ROBO2: variants seen among roughly 807,000 people sequenced by gnomAD.
ROBO2 encodes the protein roundabout homolog 2.
ROBO2 carries 53 observed loss-of-function variants against 160.8 expected under a neutral mutation model. The ratio of observed to expected loss-of-function variants is 0.33; its 90% CI spans 0.26 to 0.41. The LOEUF is 0.41. ROBO2 is among the 10% of genes least tolerant of loss of function. The pLI is 1.00. For missense variants in ROBO2, 1,577 were observed against 1,722.4 expected (o/e 0.92, Z 1.49); for synonymous variants, 664 against 611.7 (o/e 1.09, Z -1.26).
chr3:76,638,974 C>A (rs1375220106), intron 2 of ROBO2, among the ~76,000 whole-genome samples: 1 of 152,068 alleles, frequency 6.6e-6, no homozygotes, highest in African/African-American at 2.4e-5. Context: ...GCATTACGTC[C>A]CTCCAGTGTT....
chr3:77,333,982 C>G (rs1004822008), intron 2 of ROBO2, among the ~76,000 whole-genome samples: 9 of 152,112 alleles, frequency 5.9e-5, no homozygotes, highest in African/African-American at 2.2e-4. Flanking sequence ...TCTTTAAGCT[C>G]TTTCTTTCTT....
At chr3:77,577,099 G>T (rs1180952371) in intron 14 of ROBO2, among the ~76,000 whole-genome samples, 1 of 151,956 alleles carries the variant, frequency 6.6e-6, no homozygotes, top group African/African-American at 2.4e-5. Context: ...ATTCTGACTT[G>T]CTCTTTGACT....
chr3:76,409,700 G>A (rs35655498), intron 2 of ROBO2, among the ~76,000 whole-genome samples: 50,500 of 151,996 alleles, frequency 0.33, 10,158 homozygotes, highest in South Asian at 0.45. Flanking sequence ...CCTTGAGCAT[G>A]TCACAAAACT....
chr3:76,370,903 TC>T (rs1186136346), intron 2 of ROBO2, among the ~76,000 whole-genome samples: 2 of 151,946 alleles, frequency 1.3e-5, no homozygotes, highest in African/African-American at 4.8e-5. Context: ...ATATGTCATT[TC>T]CTTCCCAAGT....
chr3:76,874,181 T>C (rs1033536395), intron 2 of ROBO2, among the ~76,000 whole-genome samples: 6 of 151,224 alleles, frequency 4.0e-5, no homozygotes, highest in African/African-American at 1.5e-4. Context: ...ACACTTTATG[T>C]AAAAGTTGGT....
intron 2 of ROBO2, among the ~76,000 whole-genome samples, chr3:76,259,219 A>G (rs1706588337): frequency 6.6e-6 from 1 of 152,110 alleles, no homozygotes. Context: ...AAAGTATGAC[A>G]TCAGATCCAA....
At position 77,644,460 on chromosome 3, in the gene ROBO2, T is replaced by C. The variant is rs148146037; in HGVS notation, c.3935-244T>C. ...GAATTTAAATTTTGCAAATAATATA[T>C]AACATTGTGTACTTATCCCAAGATC... On this transcript the variant is annotated intron_variant, in intron 24 of 25. Coordinates refer to ENST00000461745, the Ensembl canonical transcript of ROBO2. Among the ~76,000 whole-genome samples, 1,006 of 152,290 alleles carry C rather than the reference T, an allele frequency of 6.6e-3. 15 individuals carry two copies. Among genetic ancestry groups the C allele is most frequent in the African/African-American group, 0.023 (970 of 41,572 alleles).
upstream of ROBO2, among the ~76,000 whole-genome samples, chr3:77,036,352 A>G (rs1022690226): frequency 2.6e-5 from 4 of 152,034 alleles, no homozygotes; most frequent in African/African-American, 9.6e-5. Context: ...ATTTTTATAT[A>G]TATGCTGCCT....
intron 2 of ROBO2, among the ~76,000 whole-genome samples, chr3:77,138,553 A>G (rs570226890): frequency 6.6e-6 from 1 of 152,348 alleles, no homozygotes; most frequent in Admixed American, 6.5e-5. Flanking sequence ...ATGGGATATG[A>G]TAAGCAGAAA....
chr3:75,993,143 T>C (rs2065622741), intron 2 of ROBO2, among the ~76,000 whole-genome samples: 1 of 152,084 alleles, frequency 6.6e-6, no homozygotes, highest in Admixed American at 6.6e-5. Context: ...CATGATGGGT[T>C]TTGAAATGTG....
At chr3:76,788,976 C>T (rs2063173549) in intron 2 of ROBO2, among the ~76,000 whole-genome samples, 1 of 151,486 alleles carries the variant, frequency 6.6e-6, no homozygotes, top group Non-Finnish European at 1.5e-5. Flanking sequence ...AATCAGGCAG[C>T]TGCTATATAG....
intron 2 of ROBO2, among the ~76,000 whole-genome samples, chr3:76,707,731 G>GTGTATATATATATGTATATATA (rs376823667): frequency 7.5e-6 from 1 of 134,198 alleles, no homozygotes; most frequent in Admixed American, 7.7e-5. Flanking sequence ...ACATGTGTGT[G>GTGTATATATATATGTATATATA]TATATATATA....
chr3:77,620,269 G>A (rs2094873583), intron 22 of ROBO2, among the ~76,000 whole-genome samples: 1 of 151,962 alleles, frequency 6.6e-6, no homozygotes, highest in Non-Finnish European at 1.5e-5. Flanking sequence ...TAATTCCCAG[G>A]CTCCACCTCC....
At chr3:76,675,196 A>T (rs1251203681) in intron 2 of ROBO2, among the ~76,000 whole-genome samples, 1 of 152,188 alleles carries the variant, frequency 6.6e-6, no homozygotes, top group Non-Finnish European at 1.5e-5. Flanking sequence ...AATGTCCCTG[A>T]GTTTCCTCCA....
intron 2 of ROBO2, among the ~76,000 whole-genome samples, chr3:76,480,155 A>G (rs2079135892): frequency 1.3e-5 from 2 of 152,176 alleles, no homozygotes; most frequent in African/African-American, 2.4e-5. Flanking sequence ...TCATCATTCG[A>G]TATACTTGCC....
chr3:77,610,669 A>G (rs1350818270), intron 21 of ROBO2, among the ~76,000 whole-genome samples: 1 of 151,156 alleles, frequency 6.6e-6, no homozygotes, highest in Admixed American at 6.6e-5. Context: ...TTGTTAGTCA[A>G]CAACTATAAC....
intron 2 of ROBO2, among the ~76,000 whole-genome samples, chr3:77,333,697 C>G (rs983847049): frequency 1.3e-5 from 2 of 152,072 alleles, no homozygotes; most frequent in African/African-American, 4.8e-5. Context: ...CATCTGCAAT[C>G]AAATGTGTTA....
At chr3:76,425,686 G>A (rs1177465088) in intron 2 of ROBO2, among the ~76,000 whole-genome samples, 1 of 151,718 alleles carries the variant, frequency 6.6e-6, no homozygotes, top group Non-Finnish European at 1.5e-5. Flanking sequence ...TTTCCTCATA[G>A]ACTATGAGTT....
intron 2 of ROBO2, among the ~76,000 whole-genome samples, chr3:76,581,725 T>C (rs753518707): frequency 3.3e-5 from 5 of 152,140 alleles, no homozygotes; most frequent in Non-Finnish European, 5.9e-5. Flanking sequence ...TTGTTTTAAA[T>C]TTAAGGAGTT....
Sources: allele counts gnomAD v4.1 joint callset (sites outside exome capture counted in the v4.1 genomes callset), GRCh38; gene constraint gnomAD v4.1.1; transcripts MANE v1.5; gene names NCBI Gene and HGNC (gene_info 2026-07-23, HGNC 2026-07-21).